HERC1: variants seen among roughly 807,000 people sequenced by gnomAD.
HERC1 encodes HECT and RLD domain containing E3 ubiquitin protein ligase family member 1.
A neutral mutation model predicts 554.3 loss-of-function variants in HERC1; 160 were observed. That is an observed-to-expected ratio of 0.29 (90% CI 0.25 to 0.33). The LOEUF (loss-of-function observed/expected upper bound fraction) is 0.33, where lower values mean the gene tolerates loss of function less well. Among genes scored for constraint, HERC1 ranks in the 10% least tolerant of loss-of-function variants. HERC1 has a pLI of 1.00. For synonymous variants in HERC1, 2,175 were observed against 2,131.7 expected (o/e 1.02, Z -0.56); for missense variants, 4,919 against 5,918.5 (o/e 0.83, Z 5.54).
chr15:63,737,544 TATA>T (rs2074596952), intron 12 of HERC1, among the ~76,000 whole-genome samples: 6 of 119,328 alleles, frequency 5.0e-5, no homozygotes, highest in African/African-American at 1.6e-4. Flanking sequence ...TATATATATA[TATA>T]TCTTTTTTTT....
At position 63,727,920 on chromosome 15, in the gene HERC1, C is replaced by T; in HGVS notation, c.3155-82G>A. On this transcript the variant is annotated intron_variant, in intron 16 of 77. Transcript: ENST00000443617. The surrounding 1 kb of genome is among the most constrained non-coding windows in gnomAD (Gnocchi z 4.3). ...AGGAACCTAATAAATATTATTTTAGCTTGGAACTAGAGTAGACTCATTCAA... is the reference window on the plus strand; with the variant it reads ...AGGAACCTAATAAATATTATTTTAGTTTGGAACTAGAGTAGACTCATTCAA... 1 of 1,135,736 alleles carries T rather than the reference C, an allele frequency of 8.8e-7. No homozygotes were observed. The highest frequency in any genetic ancestry group is 1.3e-6 in the Non-Finnish European group (1 of 785,188). The allele number at this position is 1,135,736 out of a possible 1,614,324, so 70.4% of individuals were successfully genotyped here.
chr15:63,613,502 T>C (rs1411197147), intron 76 of HERC1, among the ~76,000 whole-genome samples: 1 of 152,206 alleles, frequency 6.6e-6, no homozygotes, highest in Non-Finnish European at 1.5e-5. Flanking sequence ...CTACCACCAT[T>C]TAAAAAGTCT....
rs770933087 is a variant in HERC1, at chr15:63,734,342, T to C, written c.2646+382A>G. ...TGGAAAGAAAAGTATACTCATATTATCAAATACTTTTTCCTAATAGTCATC... is the reference window on the plus strand; with the variant it reads ...TGGAAAGAAAAGTATACTCATATTACCAAATACTTTTTCCTAATAGTCATC... On this transcript the variant is annotated intron_variant, in intron 13 of 77. Coordinates refer to ENST00000443617, the MANE Select transcript of HERC1 (RefSeq NM_003922.4). This position sits in a 1 kb window ranked among gnomAD's most constrained non-coding sequence, Gnocchi z 4.6. Among the ~76,000 whole-genome samples the C allele has an allele frequency of 6.6e-6, 1 of 152,182 alleles. No homozygotes were observed. The highest frequency in any genetic ancestry group is 1.5e-5 in the Non-Finnish European group (1 of 68,026).
At chr15:63,826,773 CTT>C (rs1400369907) in intron 1 of HERC1, among the ~76,000 whole-genome samples, 1 of 93,796 alleles carries the variant, frequency 1.1e-5, no homozygotes, top group Non-Finnish European at 2.0e-5. Context: ...CTTTTAATCA[CTT>C]ATCTCTGGTA....
intron 14 of HERC1, among the ~76,000 whole-genome samples, chr15:63,731,882 C>A (rs981552477): frequency 6.6e-6 from 1 of 152,124 alleles, no homozygotes; most frequent in Non-Finnish European, 1.5e-5. Context: ...TCAAGTCTTA[C>A]ATCACAGATT....
Position 63,630,490 on chromosome 15 carries a change from G to A in HERC1, c.12942C>T (p.Ala4314=). 1 of 1,613,632 alleles carries A rather than the reference G, an allele frequency of 6.2e-7. No homozygotes were observed. Among genetic ancestry groups the A allele is most frequent in the Non-Finnish European group, 8.5e-7 (1 of 1,179,732 alleles). ...LALASNGDVY[A]WGSNSEGQLG... ...CCTGCCCTTCTGAATTGCTCCCCCA[G>A]GCATACACATCTCCATTTGATGCCA... Residue 4314 remains alanine, a synonymous_variant, in exon 69 of 78, where the codon GCC becomes GCT. Transcript: ENST00000443617.
At chr15:63,665,887 A>G (rs775342538) in intron 42 of HERC1, 32 bp downstream of exon 42, 5 of 1,528,308 alleles carry the variant, frequency 3.3e-6, no homozygotes, top group South Asian at 1.1e-5. Flanking sequence ...TTTATAACAC[A>G]TGGAACAAAA....
At chr15:63,789,555 C>T (rs935563208) in intron 1 of HERC1, among the ~76,000 whole-genome samples, 12 of 151,668 alleles carry the variant, frequency 7.9e-5, no homozygotes, top group Non-Finnish European at 1.3e-4. Context: ...CCCCGCACTT[C>T]GGAAAGCCGA....
chr15:63,681,686 T>C (rs948727917), intron 34 of HERC1, among the ~76,000 whole-genome samples: 3 of 152,156 alleles, frequency 2.0e-5, no homozygotes, highest in Non-Finnish European at 4.4e-5. Context: ...GCTCTCCTTC[T>C]GGGAGTATGA....
intron 1 of HERC1, among the ~76,000 whole-genome samples, chr15:63,791,402 T>A (rs1348950793): frequency 6.6e-6 from 1 of 152,186 alleles, no homozygotes; most frequent in Non-Finnish European, 1.5e-5. Flanking sequence ...TCTGTGTATA[T>A]TCTGAAGATG....
chr15:63,639,428 T>A (rs2068933410), intron 61 of HERC1, among the ~76,000 whole-genome samples: 1 of 152,194 alleles, frequency 6.6e-6, no homozygotes, highest in African/African-American at 2.4e-5. Context: ...CTGTATCATC[T>A]AGGTTTGTGT....
Position 63,662,968 on chromosome 15 carries a change from C to T in HERC1, c.8901+16G>A, listed in dbSNP as rs1484901760. Reference sequence around the variant, plus strand: ...GGAAAATAAGTCAGAGCAGCCCCCGCTGCAGTCACACACACCCAGGTAGGC... The same window carrying T: ...GGAAAATAAGTCAGAGCAGCCCCCGTTGCAGTCACACACACCCAGGTAGGC... On this transcript the variant is annotated intron_variant, in intron 44 of 77. Coordinates refer to ENST00000443617, the MANE Select transcript of HERC1 (RefSeq NM_003922.4). 6.2e-7 allele frequency: 1 copy of T among 1,600,032 alleles called. No individual in the cohort carries two copies. Among genetic ancestry groups the T allele is most frequent in the Non-Finnish European group, 8.6e-7 (1 of 1,167,496 alleles).
chr15:63,623,462 G>A (rs539878656), intron 73 of HERC1, among the ~76,000 whole-genome samples: 6 of 152,146 alleles, frequency 3.9e-5, no homozygotes, highest in Admixed American at 3.9e-4. Flanking sequence ...TTGTTATTCT[G>A]CCAATATTAT....
chr15:63,724,940 G>C (rs2073979896), intron 18 of HERC1, among the ~76,000 whole-genome samples: 1 of 152,190 alleles, frequency 6.6e-6, no homozygotes, highest in Non-Finnish European at 1.5e-5. Flanking sequence ...ATAAGTCATG[G>C]TTAAGTACTC....
At chr15:63,664,794 T>C (rs549324730) in intron 42 of HERC1, among the ~76,000 whole-genome samples, 200 bp from the exon 43 acceptor site, 1 of 152,360 alleles carries the variant, frequency 6.6e-6, no homozygotes, top group African/African-American at 2.4e-5. Context: ...AATAACTTTG[T>C]CTGATTTTGA....
intron 14 of HERC1, among the ~76,000 whole-genome samples, chr15:63,732,433 ACT>A (rs2074336591): frequency 6.6e-6 from 1 of 152,244 alleles, no homozygotes; most frequent in African/African-American, 2.4e-5. Flanking sequence ...CATTATTAGC[ACT>A]GAATCATAAT....
intron 33 of HERC1, 148 bp downstream of exon 33, chr15:63,689,441 G>C: frequency 1.8e-6 from 1 of 558,684 alleles, no homozygotes. Context: ...CTGAGGGGAG[G>C]GAATCAGTGG....
At position 63,622,157 on chromosome 15, in the gene HERC1, A is replaced by G. The variant is rs1187873901; in HGVS notation, c.13688+658T>C. ...CTAAATTTTGTGACTTGCTAGCATA[A>G]TAACACTTTTAAATAAATTTTGGTG... On this transcript the variant is annotated intron_variant, in intron 74 of 77. Coordinates refer to ENST00000443617, the MANE Select transcript of HERC1 (RefSeq NM_003922.4). 3.3e-5 allele frequency among the ~76,000 whole-genome samples: 5 copies of G among 152,188 alleles called. No individual in the cohort carries two copies. In the South Asian group the frequency reaches 8.3e-4, roughly 25 times the overall value.
Position 63,734,908 on chromosome 15 carries a change from A to G in HERC1, c.2521-59T>C, listed in dbSNP as rs1047466347. The G allele has an allele frequency of 6.8e-7, 1 of 1,468,576 alleles. No homozygotes were observed. The highest frequency in any genetic ancestry group is 9.3e-7 in the Non-Finnish European group (1 of 1,075,828). The allele number at this position is 1,468,576 out of a possible 1,614,324, so 91.0% of individuals were successfully genotyped here. On this transcript the variant is annotated intron_variant, in intron 12 of 77. Transcript: ENST00000443617. The surrounding 1 kb of genome is among the most constrained non-coding windows in gnomAD (Gnocchi z 4.6). ...CTGGTTCTTAGTTTTTAATAAAAACACACTTAAAGCGAACTCACTGACTAC... is the reference window on the plus strand; with the variant it reads ...CTGGTTCTTAGTTTTTAATAAAAACGCACTTAAAGCGAACTCACTGACTAC...
Sources: gnomAD v4.1 joint callset for allele counts (sites outside exome capture counted in the v4.1 genomes callset) on GRCh38, gnomAD v4.1.1 for gene constraint, Gnocchi (gnomAD v3.1) non-coding constraint, MANE v1.5 for transcripts, NCBI Gene and HGNC (gene_info 2026-07-23, HGNC 2026-07-21) for gene names.